The following HSD17B12 variants were observed in gnomAD, a reference collection of about 807,000 sequenced individuals.
HSD17B12 encodes the protein very-long-chain 3-oxoacyl-CoA reductase.
Under a neutral mutation model 39.3 loss-of-function variants are expected in HSD17B12, and 32 were observed. The ratio of observed to expected loss-of-function variants is 0.81; its 90% CI spans 0.61 to 1.09. The LOEUF is 1.09. Among genes scored for constraint, HSD17B12 ranks in the 50% least tolerant of loss-of-function variants. HSD17B12 has a pLI of 0.00. For missense variants in HSD17B12, 342 were observed against 382.9 expected (o/e 0.89, Z 0.89); for synonymous variants, 150 against 146.7 (o/e 1.02, Z -0.16).
intron 4 of HSD17B12, among the ~76,000 whole-genome samples, chr11:43,811,263 A>G (rs576417727): frequency 1.4e-4 from 21 of 152,318 alleles, no homozygotes; most frequent in Admixed American, 5.9e-4. Context: ...TTTTTTCTCT[A>G]TACTCCTAAA....
chr11:43,786,787 T>C lies in HSD17B12; in HGVS notation c.284-11533T>C, dbSNP rs191817537. Among the ~76,000 whole-genome samples, 19 of 152,358 alleles carry C rather than the reference T, an allele frequency of 1.2e-4. No homozygotes were observed. In the East Asian group the frequency reaches 2.3e-3, roughly 19 times the overall value. ...CCAGTAAGTTCTTGTACAGATTGGA[T>C]AACTTAATGTTATTTAGTAGCATTC... On this transcript the variant is annotated intron_variant, in intron 3 of 10. Transcript: ENST00000278353.
intron 3 of HSD17B12, among the ~76,000 whole-genome samples, chr11:43,778,161 C>A (rs1290351303): frequency 6.6e-6 from 1 of 152,098 alleles, no homozygotes; most frequent in South Asian, 2.1e-4. Flanking sequence ...ATATCACCAC[C>A]GATCCCACAG....
intron 4 of HSD17B12, among the ~76,000 whole-genome samples, chr11:43,806,011 C>A (rs903352036): frequency 6.6e-6 from 1 of 152,118 alleles, no homozygotes; most frequent in Non-Finnish European, 1.5e-5. Flanking sequence ...TGAAGAGAAA[C>A]CATAGGGCAA....
intron 7 of HSD17B12, among the ~76,000 whole-genome samples, chr11:43,837,431 A>G (rs1951381959): frequency 6.6e-6 from 1 of 152,090 alleles, no homozygotes; most frequent in South Asian, 2.1e-4. Flanking sequence ...AGGGGAAGAT[A>G]TGGTAGCTGT....
intron 1 of HSD17B12, among the ~76,000 whole-genome samples, chr11:43,743,334 C>T (rs1950385355): frequency 6.6e-6 from 1 of 152,182 alleles, no homozygotes; most frequent in Non-Finnish European, 1.5e-5. Context: ...TTTGATGCAA[C>T]TAGGGAACTT....
chr11:43,781,736 C>A (rs1027435568), intron 3 of HSD17B12, among the ~76,000 whole-genome samples: 3 of 152,066 alleles, frequency 2.0e-5, no homozygotes, highest in Non-Finnish European at 2.9e-5. Context: ...CCAAATCATT[C>A]CCCTGAATTT....
intron 1 of HSD17B12, among the ~76,000 whole-genome samples, chr11:43,743,627 G>T (rs1950388033): frequency 6.6e-6 from 1 of 152,128 alleles, no homozygotes; most frequent in Non-Finnish European, 1.5e-5. Flanking sequence ...ACTAATAACT[G>T]CCCAGCAGCC....
the HSD17B12 span, among the ~76,000 whole-genome samples, chr11:43,673,728 GC>G: frequency 6.6e-6 from 1 of 151,446 alleles, no homozygotes; most frequent in South Asian, 2.1e-4. Context: ...TCGCTATATT[GC>G]CCAGGCTGAT....
At chr11:43,667,405 G>T in the HSD17B12 span, among the ~76,000 whole-genome samples, 1 of 152,156 alleles carries the variant, frequency 6.6e-6, no homozygotes, top group African/African-American at 2.4e-5. Flanking sequence ...GCCCGCCTCA[G>T]CCTCCCAAAA....
At chr11:43,753,844 T>G (rs1480120761) in intron 2 of HSD17B12, among the ~76,000 whole-genome samples, 1 of 152,192 alleles carries the variant, frequency 6.6e-6, no homozygotes, top group Non-Finnish European at 1.5e-5. Flanking sequence ...CCTTTCACAT[T>G]TAAATACTAG....
At chr11:43,621,566 C>T in the HSD17B12 span, among the ~76,000 whole-genome samples, 3 of 152,022 alleles carry the variant, frequency 2.0e-5, no homozygotes, top group Non-Finnish European at 2.9e-5. Flanking sequence ...AATAAAAAAG[C>T]TTGCTGGGCA....
chr11:43,704,415 A>G (rs1227152853), intron 1 of HSD17B12, among the ~76,000 whole-genome samples: 2 of 152,246 alleles, frequency 1.3e-5, no homozygotes, highest in African/African-American at 4.8e-5. Flanking sequence ...GTGATAAAGT[A>G]TGAATTAATC....
chr11:43,572,705 G>A, the HSD17B12 span, among the ~76,000 whole-genome samples: 4 of 152,166 alleles, frequency 2.6e-5, no homozygotes, highest in African/African-American at 9.7e-5. Flanking sequence ...TTGCCTTAAG[G>A]ATTAAATAAA....
the HSD17B12 span, among the ~76,000 whole-genome samples, chr11:43,586,179 A>G: frequency 6.6e-6 from 1 of 152,224 alleles, no homozygotes; most frequent in African/African-American, 2.4e-5. Context: ...ACAACAGAAC[A>G]GATTCCCTTT....
At chr11:43,570,033 T>G in the HSD17B12 span, 1 of 152,628 alleles carries the variant, frequency 6.6e-6, no homozygotes, top group South Asian at 2.1e-4. Flanking sequence ...CATTAATTTC[T>G]CTTTCTCCTA....
the HSD17B12 span, among the ~76,000 whole-genome samples, chr11:43,575,343 T>C: frequency 6.6e-6 from 1 of 152,322 alleles, no homozygotes; most frequent in East Asian, 1.9e-4. This position sits in a 1 kb window ranked among gnomAD's most constrained non-coding sequence, Gnocchi z 4.1. Flanking sequence ...GTTATTTGCG[T>C]CACTCGAGGA....
intron 1 of HSD17B12, among the ~76,000 whole-genome samples, chr11:43,714,517 G>A (rs1195425738): frequency 6.6e-6 from 1 of 152,102 alleles, no homozygotes. Context: ...TGCTGTTTTG[G>A]TTACTGTAGC....
At chr11:43,752,861 G>C (rs1311155599) in intron 2 of HSD17B12, among the ~76,000 whole-genome samples, 1 of 151,776 alleles carries the variant, frequency 6.6e-6, no homozygotes, top group African/African-American at 2.4e-5. Flanking sequence ...TTTTTTAGTG[G>C]TGTTATAACA....
At chr11:43,764,837 A>G (rs1401729878) in intron 3 of HSD17B12, among the ~76,000 whole-genome samples, 1 of 152,010 alleles carries the variant, frequency 6.6e-6, no homozygotes, top group Non-Finnish European at 1.5e-5. Context: ...CATAGAGTTG[A>G]TCTCGCTTTT....
Sources: allele counts gnomAD v4.1 joint callset (sites outside exome capture counted in the v4.1 genomes callset), GRCh38; gene constraint gnomAD v4.1.1; non-coding constraint Gnocchi (gnomAD v3.1); transcripts MANE v1.5; gene names NCBI Gene and HGNC (gene_info 2026-07-23, HGNC 2026-07-21).